Variants in LPAR1 observed in about 807,000 individuals in gnomAD.
The protein encoded by LPAR1 is LPA receptor 1.
In LPAR1, 5 loss-of-function variants were observed where a neutral mutation model predicts 23.8. The observed-to-expected ratio is 0.21, with a 90% CI of 0.11 to 0.44. LPAR1 has a LOEUF of 0.44. Among genes scored for constraint, LPAR1 ranks in the 20% least tolerant of loss-of-function variants. The pLI is 0.99. For synonymous variants in LPAR1, 160 were observed against 164.7 expected, an observed-to-expected ratio of 0.97 and a Z score of 0.22; for missense variants, 311 against 482.8, an observed-to-expected ratio of 0.64 and a Z score of 3.33.
intron 5 of LPAR1, among the ~76,000 whole-genome samples, chr9:110,894,542 C>A (rs988969200): frequency 6.6e-6 from 1 of 152,126 alleles, no homozygotes; most frequent in Non-Finnish European, 1.5e-5. Context: ...TTTGGGTGAA[C>A]TGTTATTGGT....
chr9:110,938,584 TG>T (rs1266266305), intron 5 of LPAR1, among the ~76,000 whole-genome samples: 2 of 151,886 alleles, frequency 1.3e-5, no homozygotes, highest in Non-Finnish European at 2.9e-5. Context: ...CCAGGCATGG[TG>T]GCTTATGCCT....
intron 5 of LPAR1, among the ~76,000 whole-genome samples, chr9:110,895,757 G>C (rs1368845017): frequency 1.3e-5 from 2 of 152,130 alleles, no homozygotes; most frequent in Admixed American, 1.3e-4. Flanking sequence ...CTGGGCAAAG[G>C]CCAGCGCTGA....
At chr9:110,969,661 A>C (rs1588608231) in intron 4 of LPAR1, among the ~76,000 whole-genome samples, 1 of 152,068 alleles carries the variant, frequency 6.6e-6, no homozygotes, top group Middle Eastern at 3.4e-3. Flanking sequence ...GCAGTGAGAC[A>C]AGATCGTGCC....
At chr9:111,022,773 G>C (rs947683143) in intron 2 of LPAR1, among the ~76,000 whole-genome samples, 2 of 151,870 alleles carry the variant, frequency 1.3e-5, no homozygotes, top group African/African-American at 2.4e-5. Flanking sequence ...TGCTATTGCC[G>C]GGCGCGGTGG....
At chr9:110,931,264 A>G (rs924698277) in intron 5 of LPAR1, among the ~76,000 whole-genome samples, 1 of 152,224 alleles carries the variant, frequency 6.6e-6, no homozygotes, top group African/African-American at 2.4e-5. Flanking sequence ...CAGCATTCAC[A>G]TAGCACTTTG....
intron 2 of LPAR1, among the ~76,000 whole-genome samples, chr9:111,008,253 G>A (rs542798288): frequency 1.4e-4 from 22 of 152,070 alleles, no homozygotes; most frequent in African/African-American, 3.1e-4. Context: ...CACTATAGAC[G>A]TCTTTTCCCA....
chr9:110,882,143 C>G (rs559003953), intron 5 of LPAR1, among the ~76,000 whole-genome samples: 28 of 152,354 alleles, frequency 1.8e-4, no homozygotes, highest in Middle Eastern at 3.4e-3. Flanking sequence ...ATTATCATCA[C>G]ATGCTGATAT....
In LPAR1 at chr9:110,941,978, C is replaced by T. The variant is rs267602085; in HGVS notation, c.236G>A (p.Arg79His). ...TAGGTAATAAATAGGAAAATGGAAG[C>T]GGCGGTTGACATAGATTGCCACCAT... The part of the protein sequence containing the change: ...LVMVAIYVNR[R>H]FHFPIYYLMA... Residue 79 changes from arginine to histidine, a missense_variant, in exon 5 of 6, where the codon CGC (arginine) becomes CAC (histidine). Physicochemically the swap from Arg to His is conservative, Grantham distance 29. Coordinates refer to ENST00000683809, the MANE Select transcript of LPAR1 (RefSeq NM_001351411.2). The surrounding 1 kb of genome is among the most constrained non-coding windows in gnomAD (Gnocchi z 6.1). 17 of 1,613,960 alleles carry T rather than the reference C, an allele frequency of 1.1e-5. No homozygotes were observed. The highest frequency in any genetic ancestry group is 3.3e-5 in the Admixed American group (2 of 60,000).
chr9:110,981,069 T>C (rs537781962), intron 2 of LPAR1, among the ~76,000 whole-genome samples: 2 of 152,242 alleles, frequency 1.3e-5, no homozygotes, highest in African/African-American at 4.8e-5. Flanking sequence ...AACTCTTTTA[T>C]AAGGAAACTA....
chr9:110,946,454 TAAC>T (rs1396618255), intron 4 of LPAR1, among the ~76,000 whole-genome samples: 1 of 152,014 alleles, frequency 6.6e-6, no homozygotes, highest in East Asian at 1.9e-4. Context: ...AGAAAAAAAA[TAAC>T]AAGTCAAATA....
chr9:110,983,720 A>G (rs2096721536), intron 2 of LPAR1, among the ~76,000 whole-genome samples: 1 of 152,074 alleles, frequency 6.6e-6, no homozygotes, highest in Non-Finnish European at 1.5e-5. Flanking sequence ...TAAGTGCAAA[A>G]CAGGTTTAAG....
intron 2 of LPAR1, among the ~76,000 whole-genome samples, chr9:110,981,741 A>G (rs1044420198): frequency 1.1e-4 from 16 of 152,170 alleles, no homozygotes; most frequent in African/African-American, 3.9e-4. Flanking sequence ...TTAATTAGAA[A>G]TTATGGACAT....
At chr9:111,023,512 G>C (rs976181) in intron 2 of LPAR1, among the ~76,000 whole-genome samples, 78,716 of 151,688 alleles carry the variant, frequency 0.52, 20,651 homozygotes, top group East Asian at 0.64. Context: ...TTATACATTT[G>C]GATGTTTTTT....
At chr9:110,960,799 TCTC>T (rs1404395450) in intron 4 of LPAR1, among the ~76,000 whole-genome samples, 1 of 152,232 alleles carries the variant, frequency 6.6e-6, no homozygotes, top group African/African-American at 2.4e-5. Flanking sequence ...TGACATCTAT[TCTC>T]CTGCAACTTT....
intron 2 of LPAR1, among the ~76,000 whole-genome samples, chr9:111,004,754 T>TCC (rs1302053862): frequency 6.6e-6 from 1 of 152,198 alleles, no homozygotes; most frequent in Non-Finnish European, 1.5e-5. Flanking sequence ...CTGCTTACTC[T>TCC]CCTTAGGCCA....
intron 5 of LPAR1, among the ~76,000 whole-genome samples, chr9:110,920,358 T>C (rs1379213682): frequency 1.3e-5 from 2 of 152,242 alleles, no homozygotes; most frequent in East Asian, 3.8e-4. Flanking sequence ...TACAATGCTT[T>C]GGATGCATAG....
chr9:110,917,572 G>A (rs186575410), intron 5 of LPAR1, among the ~76,000 whole-genome samples: 1 of 152,232 alleles, frequency 6.6e-6, no homozygotes. Flanking sequence ...GATATGGCAT[G>A]ACTTTATGGG....
At chr9:111,031,054 TG>T (rs752037179) in intron 2 of LPAR1, among the ~76,000 whole-genome samples, 3 of 152,052 alleles carry the variant, frequency 2.0e-5, no homozygotes, top group Non-Finnish European at 4.4e-5. Context: ...TGATATCAGA[TG>T]GGTAAGGTTA....
chr9:110,922,824 A>ATAT (rs61229734), intron 5 of LPAR1, among the ~76,000 whole-genome samples: 65,841 of 141,894 alleles, frequency 0.46, 15,567 homozygotes, highest in Middle Eastern at 0.54. Context: ...TCTTATTATT[A>ATAT]TATTATTATT....
Sources: gnomAD v4.1 joint callset for allele counts (sites outside exome capture counted in the v4.1 genomes callset) on GRCh38, gnomAD v4.1.1 for gene constraint, Gnocchi (gnomAD v3.1) non-coding constraint, MANE v1.5 for transcripts, NCBI Gene and HGNC (gene_info 2026-07-23, HGNC 2026-07-21) for gene names.